The following DPY19L2 variants were observed in gnomAD, a reference collection of about 807,000 sequenced individuals.
The protein encoded by DPY19L2 is dpy-19 like 2, also known as probable C-mannosyltransferase DPY19L2.
A neutral mutation model predicts 97.9 loss-of-function variants in DPY19L2; 34 were observed. The ratio of observed to expected loss-of-function variants is 0.35; its 90% CI spans 0.26 to 0.46. The LOEUF (loss-of-function observed/expected upper bound fraction) is 0.46, where lower values mean the gene tolerates loss of function less well. DPY19L2 is among the 20% of genes least tolerant of loss of function. The pLI is 1.00. For missense variants in DPY19L2, 623 were observed against 911.4 expected (o/e 0.68, Z 4.07); for synonymous variants, 230 against 307.9 (o/e 0.75, Z 2.65).
At chr12:63,566,839 T>C (rs1013176030) in intron 21 of DPY19L2, among the ~76,000 whole-genome samples, 4 of 151,070 alleles carry the variant, frequency 2.6e-5, no homozygotes, top group Admixed American at 1.4e-4. Flanking sequence ...GTTAGTTATA[T>C]GTTTAGGGTT....
At chr12:63,626,660 C>T in intron 6 of DPY19L2, 134 bp from the exon 7 acceptor site, 2 of 1,179,640 alleles carry the variant, frequency 1.7e-6, no homozygotes, top group Admixed American at 3.0e-5. Flanking sequence ...CTAAACCATA[C>T]CCATGTGGTT....
At chr12:63,613,448 A>T (rs1280805553) in intron 11 of DPY19L2, among the ~76,000 whole-genome samples, 1 of 152,172 alleles carries the variant, frequency 6.6e-6, no homozygotes, top group African/African-American at 2.4e-5. Context: ...GCTGAACAGA[A>T]GGGAACTTCT....
chr12:63,656,528 T>G (rs1894998723), intron 4 of DPY19L2, among the ~76,000 whole-genome samples: 1 of 152,190 alleles, frequency 6.6e-6, no homozygotes, highest in Non-Finnish European at 1.5e-5. Context: ...CATTCATGCA[T>G]TTGTTTGATA....
chr12:63,581,479 C>CTTT lies in DPY19L2; in HGVS notation c.1726-646_1726-644dup, dbSNP rs71086686. Among the ~76,000 whole-genome samples, 454 of 91,812 alleles carry CTTT rather than the reference C, an allele frequency of 4.9e-3. 32 individuals are homozygous for CTTT. Among genetic ancestry groups the CTTT allele is most frequent in the East Asian group, 0.015 (40 of 2,606 alleles). The allele number at this position is 91,812 out of a possible 152,430, so 60.2% of individuals were successfully genotyped here. On this transcript the variant is annotated intron_variant, in intron 18 of 21. Transcript: ENST00000324472. ...GGTACTTTTGGTGAACCAGGAAACT[C>CTTT]TTTTTTTTTTTTTTTTTTTTCTGAG... is the stretch of plus-strand genomic sequence containing the variant.
chr12:63,597,976 C>G (rs1466666181), intron 13 of DPY19L2, 66 bp from the exon 14 acceptor site: 1 of 1,220,112 alleles, frequency 8.2e-7, no homozygotes, highest in Non-Finnish European at 1.1e-6. Flanking sequence ...GACAGTAATA[C>G]TTTATTGATG....
At chr12:63,648,431 CTTT>C (rs1345315286) in intron 4 of DPY19L2, among the ~76,000 whole-genome samples, 3 of 143,898 alleles carry the variant, frequency 2.1e-5, no homozygotes, top group East Asian at 4.0e-4. Context: ...CTTCCCTGGG[CTTT>C]TTTTTTTTTG....
chr12:63,582,416 C>A lies in DPY19L2; in HGVS notation c.1715G>T (p.Cys572Phe). ...GAATGAATCCCTTACCTGTCGAGAG[C>A]ATATCAAGGAAGCCATAACACACAT... ...PHMCVMASLI[C>F]SRQLFGWLFR... The change falls in exon 18 of 22, where the codon TGC (cysteine) becomes TTC (phenylalanine). Residue 572 changes from cysteine to phenylalanine, a missense_variant. By Grantham distance (205) the Cys-to-Phe change is radical (BLOSUM62 -2). Coordinates refer to ENST00000324472, the MANE Select transcript of DPY19L2 (RefSeq NM_173812.5). 6.2e-7 allele frequency: 1 copy of A among 1,612,406 alleles called. No individual in the cohort carries two copies. The highest frequency in any genetic ancestry group is 8.5e-7 in the Non-Finnish European group (1 of 1,179,272).
rs535722428 is a variant in DPY19L2 at position 63,632,051 on chromosome 12, G to C, written c.804-5525C>G. Among the ~76,000 whole-genome samples, 16 of 152,190 alleles carry C rather than the reference G, an allele frequency of 1.1e-4. 1 individual carries two copies. In the South Asian group the frequency reaches 3.1e-3, roughly 30 times the overall value. ...AAAAACTCTCAATAAATTAGGTATT[G>C]ATGGGACATATCTCAAAATAATAAG... is the stretch of plus-strand genomic sequence containing the variant. On this transcript the variant is annotated intron_variant, in intron 6 of 21. Transcript: ENST00000324472.
At chr12:63,632,236 A>T (rs904536981) in intron 6 of DPY19L2, among the ~76,000 whole-genome samples, 13 of 152,160 alleles carry the variant, frequency 8.5e-5, no homozygotes, top group African/African-American at 3.1e-4. Context: ...AGGAGAAGGA[A>T]ATAAAAGGTA....
intron 19 of DPY19L2, among the ~76,000 whole-genome samples, chr12:63,572,572 A>G (rs1344442798): frequency 6.6e-6 from 1 of 152,028 alleles, no homozygotes; most frequent in African/African-American, 2.4e-5. Context: ...CTACACCTTG[A>G]GCAAACATAG....
In DPY19L2 at chr12:63,656,067, C is replaced by G. The variant is rs118069241; in HGVS notation, c.588+5277G>C. ...TTTGATTGCCCTGTGACCTCAGCTT[C>G]CTGACCGCTTCAGGAAAAGTTGTAA... On this transcript the variant is annotated intron_variant, in intron 4 of 21. Coordinates refer to ENST00000324472, the MANE Select transcript of DPY19L2 (RefSeq NM_173812.5). Among the ~76,000 whole-genome samples, 180 of 152,226 alleles carry G rather than the reference C, an allele frequency of 1.2e-3. 4 individuals carry two copies. In the East Asian group the frequency reaches 0.03, roughly 25 times the overall value.
At chr12:63,627,028 T>C (rs9669299) in intron 6 of DPY19L2, among the ~76,000 whole-genome samples, 44,730 of 151,972 alleles carry the variant, frequency 0.29, 7,664 homozygotes, top group African/African-American at 0.47. Context: ...CCACCCGCCT[T>C]GGCCTCCCAA....
intron 6 of DPY19L2, among the ~76,000 whole-genome samples, chr12:63,633,245 C>T (rs1438775299): frequency 1.3e-5 from 2 of 151,926 alleles, no homozygotes; most frequent in African/African-American, 2.4e-5. Flanking sequence ...AGCTTCTGCA[C>T]GCAAAAGAAA....
intron 6 of DPY19L2, among the ~76,000 whole-genome samples, chr12:63,640,594 T>C (rs1892546081): frequency 6.6e-6 from 1 of 152,154 alleles, no homozygotes. Flanking sequence ...CTATTTCTTT[T>C]GTTCCTCAAA....
At chr12:63,643,780 AGTCT>A (rs1324982115) in intron 6 of DPY19L2, among the ~76,000 whole-genome samples, 5 of 152,168 alleles carry the variant, frequency 3.3e-5, no homozygotes, top group African/African-American at 9.6e-5. Flanking sequence ...GGGGCAGCTA[AGTCT>A]GTCCTTTTGT....
At chr12:63,561,658 C>A (rs544875423) in intron 21 of DPY19L2, among the ~76,000 whole-genome samples, 1 of 151,218 alleles carries the variant, frequency 6.6e-6, no homozygotes, top group South Asian at 2.1e-4. Flanking sequence ...ATAGAGAACA[C>A]AATTTGTTTA....
intron 12 of DPY19L2, among the ~76,000 whole-genome samples, chr12:63,605,123 C>T (rs138497984): frequency 0.029 from 4,489 of 152,184 alleles, 104 homozygotes; most frequent in Middle Eastern, 0.082. Flanking sequence ...CCTGGTGCTC[C>T]GTCTCAGCCC....
chr12:63,629,899 G>A (rs954829994), intron 6 of DPY19L2, among the ~76,000 whole-genome samples: 13 of 152,090 alleles, frequency 8.5e-5, no homozygotes, highest in Non-Finnish European at 1.8e-4. Flanking sequence ...AGAAGAGAGT[G>A]GGGGCCAATA....
chr12:63,622,937 A>G (rs1888924991), intron 8 of DPY19L2, among the ~76,000 whole-genome samples: 1 of 152,152 alleles, frequency 6.6e-6, no homozygotes, highest in South Asian at 2.1e-4. Flanking sequence ...ATAAATAAAT[A>G]AAAATTTGTG....
Sources: allele counts gnomAD v4.1 joint callset (sites outside exome capture counted in the v4.1 genomes callset), GRCh38; gene constraint gnomAD v4.1.1; transcripts MANE v1.5; gene names NCBI Gene and HGNC (gene_info 2026-07-23, HGNC 2026-07-21).